The following TMCC1 variants were observed in gnomAD, a reference collection of about 807,000 sequenced individuals.
The protein encoded by TMCC1 is transmembrane and coiled-coil domains protein 1.
Under a neutral mutation model 52.4 loss-of-function variants are expected in TMCC1, and 15 were observed. The ratio of observed to expected loss-of-function variants is 0.29; its 90% CI spans 0.19 to 0.44. The LOEUF is 0.44. Among genes scored for constraint, TMCC1 ranks in the 20% least tolerant of loss-of-function variants. TMCC1 has a pLI of 1.00. For synonymous variants in TMCC1, 279 were observed against 301.9 expected, an observed-to-expected ratio of 0.92 and a Z score of 0.79; for missense variants, 503 against 806.0, an observed-to-expected ratio of 0.62 and a Z score of 4.55.
chr3:129,825,404 A>C (rs947084375), intron 4 of TMCC1, among the ~76,000 whole-genome samples: 19 of 152,228 alleles, frequency 1.2e-4, no homozygotes, highest in African/African-American at 4.1e-4. Context: ...GCTTTTCCTA[A>C]ATCTGGCTAT....
At chr3:129,697,065 G>A (rs962293982) in intron 4 of TMCC1, among the ~76,000 whole-genome samples, 1 of 152,202 alleles carries the variant, frequency 6.6e-6, no homozygotes, top group Non-Finnish European at 1.5e-5. Context: ...TCTTCTAGCA[G>A]CTCCACTATG....
intron 4 of TMCC1, among the ~76,000 whole-genome samples, chr3:129,700,042 C>A (rs2047703303): frequency 6.6e-6 from 1 of 152,064 alleles, no homozygotes; most frequent in Non-Finnish European, 1.5e-5. Flanking sequence ...ACTTAATATA[C>A]CCTTAAGACA....
At chr3:129,780,822 G>A (rs2055458072) in intron 4 of TMCC1, among the ~76,000 whole-genome samples, 2 of 151,928 alleles carry the variant, frequency 1.3e-5, no homozygotes, top group African/African-American at 4.8e-5. Flanking sequence ...CCTACTACCT[G>A]TTCTCTCAAA....
At chr3:129,778,632 C>T (rs1560398979) in intron 4 of TMCC1, among the ~76,000 whole-genome samples, 1 of 145,764 alleles carries the variant, frequency 6.9e-6, no homozygotes, top group Non-Finnish European at 1.5e-5. Context: ...GTAATCCCCA[C>T]ATGTTAGGGG....
At chr3:129,815,980 T>A (rs980759041) in intron 4 of TMCC1, among the ~76,000 whole-genome samples, 1 of 152,060 alleles carries the variant, frequency 6.6e-6, no homozygotes, top group East Asian at 1.9e-4. Flanking sequence ...AACAAGTATA[T>A]GAAAAAATGC....
chr3:129,662,441 TG>T (rs1455428992), intron 5 of TMCC1, among the ~76,000 whole-genome samples: 3 of 152,172 alleles, frequency 2.0e-5, no homozygotes, highest in African/African-American at 7.2e-5. Context: ...CAATAGTGTT[TG>T]TGTATCTAGA....
chr3:129,745,571 C>CT (rs1228614060), intron 4 of TMCC1, among the ~76,000 whole-genome samples: 1 of 152,216 alleles, frequency 6.6e-6, no homozygotes, highest in African/African-American at 2.4e-5. Flanking sequence ...CTTAGCCACT[C>CT]TTTCTCCATT....
intron 4 of TMCC1, among the ~76,000 whole-genome samples, chr3:129,800,922 A>G (rs927168733): frequency 4.3e-5 from 5 of 117,264 alleles, no homozygotes; most frequent in East Asian, 5.6e-4. Flanking sequence ...CACATCTCAC[A>G]CTATTTTTTT....
chr3:129,870,421 T>C lies in TMCC1; in HGVS notation c.-184+9888A>G, dbSNP rs370282878. ...TCTTCAGTACCAAAATCCTAATTCT[T>C]CAATTGTTTTTCATTAGATATGGTG... On this transcript the variant is annotated intron_variant, in intron 2 of 6. Transcript: ENST00000393238. Among the ~76,000 whole-genome samples, 7 of 152,082 alleles carry C rather than the reference T, an allele frequency of 4.6e-5. No individual in the cohort carries two copies. In the East Asian group the frequency reaches 1.4e-3, roughly 29 times the overall value.
At chr3:129,765,065 G>T (rs2107688544) in intron 4 of TMCC1, among the ~76,000 whole-genome samples, 1 of 150,896 alleles carries the variant, frequency 6.6e-6, no homozygotes, top group African/African-American at 2.4e-5. Flanking sequence ...ACCTCCCAAA[G>T]CATTGGGATT....
chr3:129,747,085 C>T (rs1212874742), intron 4 of TMCC1, among the ~76,000 whole-genome samples: 2 of 152,142 alleles, frequency 1.3e-5, no homozygotes, highest in African/African-American at 2.4e-5. Flanking sequence ...GTTAATTCCT[C>T]ATATATATGA....
chr3:129,775,040 T>C (rs2054917149), intron 4 of TMCC1, among the ~76,000 whole-genome samples: 1 of 152,102 alleles, frequency 6.6e-6, no homozygotes, highest in Non-Finnish European at 1.5e-5. Flanking sequence ...GGGATCCAGG[T>C]ACTATGCTGG....
intron 2 of TMCC1, among the ~76,000 whole-genome samples, chr3:129,834,785 C>T (rs992809265): frequency 3.9e-5 from 6 of 152,126 alleles, no homozygotes; most frequent in Non-Finnish European, 5.9e-5. Flanking sequence ...CATACCATTG[C>T]GACAGATGCT....
At position 129,651,210 on chromosome 3, in the gene TMCC1, A is replaced by G. The variant is rs1293733498; in HGVS notation, c.*271T>C. The G allele has an allele frequency of 2.4e-6, 1 of 423,604 alleles. No individual in the cohort carries two copies. Among genetic ancestry groups the G allele is most frequent in the Non-Finnish European group, 4.3e-6 (1 of 234,032 alleles). 26.2% of individuals were successfully genotyped at this position (423,604 alleles called of 1,614,324 possible). On this transcript the variant is annotated 3_prime_UTR_variant, in exon 7 of 7. Transcript: ENST00000393238. The surrounding 1 kb of genome is among the most constrained non-coding windows in gnomAD (Gnocchi z 5.1). ...TCGGTGTGCTCCAGATTGTTGGTTC[A>G]TATTAAAGGACTGTTTTAAGATTTG...
At chr3:129,797,923 T>C (rs974110450) in intron 4 of TMCC1, among the ~76,000 whole-genome samples, 5 of 151,822 alleles carry the variant, frequency 3.3e-5, no homozygotes, top group Middle Eastern at 3.5e-3. Flanking sequence ...AACCTAACAT[T>C]TAAGCTGTTT....
intron 4 of TMCC1, among the ~76,000 whole-genome samples, chr3:129,686,672 A>G (rs2089431127): frequency 1.3e-5 from 2 of 152,314 alleles, no homozygotes; most frequent in South Asian, 4.1e-4. Flanking sequence ...AACAATATAA[A>G]TTGTGTAAAG....
intron 2 of TMCC1, chr3:129,866,860 T>C (rs2060673377): frequency 1.3e-5 from 2 of 152,236 alleles, no homozygotes. Context: ...ACAGATTTTT[T>C]AAAGTTCCTG....
chr3:129,888,263 A>C (rs1346170969), intron 1 of TMCC1, among the ~76,000 whole-genome samples: 1 of 152,220 alleles, frequency 6.6e-6, no homozygotes, highest in African/African-American at 2.4e-5. Context: ...AGAGTTGGAG[A>C]CATCACGAAG....
At position 129,840,642 on chromosome 3, in the gene TMCC1, C is replaced by T. The variant is rs561513027; in HGVS notation, c.-183-7816G>A. The stretch of plus-strand genomic sequence containing the variant: ...GACTGGATCACGGGGGTGGTTTCCC[C>T]CTGTTCTTGTGATAATGAGTTCTCA... On this transcript the variant is annotated intron_variant, in intron 2 of 6. Coordinates refer to ENST00000393238, the MANE Select transcript of TMCC1 (RefSeq NM_001017395.5). Among the ~76,000 whole-genome samples the T allele has an allele frequency of 2.0e-5, 3 of 152,172 alleles. No homozygotes were observed. In the East Asian group the frequency reaches 5.8e-4, roughly 29 times the overall value.
Sources: gnomAD v4.1 joint callset for allele counts (sites outside exome capture counted in the v4.1 genomes callset) on GRCh38, gnomAD v4.1.1 for gene constraint, Gnocchi (gnomAD v3.1) non-coding constraint, MANE v1.5 for transcripts, NCBI Gene and HGNC (gene_info 2026-07-23, HGNC 2026-07-21) for gene names.